Variants in MND1 observed in about 807,000 individuals in gnomAD.
MND1 encodes the protein meiotic nuclear divisions 1, also known as meiotic nuclear division protein 1 homolog.
Under a neutral mutation model 35.1 loss-of-function variants are expected in MND1, and 28 were observed. The ratio of observed to expected loss-of-function variants is 0.80; its 90% CI spans 0.59 to 1.09. The LOEUF (loss-of-function observed/expected upper bound fraction) is 1.09, where lower values mean the gene tolerates loss of function less well. Ranked by LOEUF, MND1 falls within the 50% of genes least tolerant of loss-of-function variation. The probability of loss-of-function intolerance (pLI) is 0.00; values close to 1 mark genes in which losing one functional copy is unlikely to be tolerated. For missense variants in MND1, 213 were observed against 239.6 expected (o/e 0.89, Z 0.73); for synonymous variants, 69 against 70.5 (o/e 0.98, Z 0.11).
intron 1 of MND1, among the ~76,000 whole-genome samples, chr4:153,348,409 C>T (rs1159848186): frequency 6.6e-6 from 1 of 152,052 alleles, no homozygotes; most frequent in Non-Finnish European, 1.5e-5. Flanking sequence ...CAGGAGCACA[C>T]CCAGGGGTGA....
At chr4:153,408,145 G>C (rs140151708) in intron 6 of MND1, among the ~76,000 whole-genome samples, 1 of 152,110 alleles carries the variant, frequency 6.6e-6, no homozygotes, top group Non-Finnish European at 1.5e-5. Context: ...TGGCGCATGC[G>C]TGTAGTCTCA....
rs185715333 is a variant in MND1 at position 153,392,332 on chromosome 4, C to T, written c.277-1930C>T. On this transcript the variant is annotated intron_variant, in intron 4 of 7. Coordinates refer to ENST00000240488, the MANE Select transcript of MND1 (RefSeq NM_032117.4). ...ATGTTAGCCAGGATGGTCTCGATCT[C>T]CTGACCTCGTGATCGGCCCGCCTCA... Among the ~76,000 whole-genome samples the T allele has an allele frequency of 5.5e-3, 838 of 152,218 alleles. 5 individuals carry two copies. Among genetic ancestry groups the T allele is most frequent in the African/African-American group, 0.019 (784 of 41,550 alleles).
chr4:153,386,732 A>AAAAAGAAAT (rs1728878573), intron 4 of MND1, among the ~76,000 whole-genome samples: 1 of 152,148 alleles, frequency 6.6e-6, no homozygotes, highest in Admixed American at 6.5e-5. Context: ...AACAACAACA[A>AAAAAGAAAT]AAAAGAAATC....
intron 4 of MND1, among the ~76,000 whole-genome samples, chr4:153,389,142 C>T (rs1728950764): frequency 6.6e-6 from 1 of 152,124 alleles, no homozygotes; most frequent in African/African-American, 2.4e-5. Flanking sequence ...GGAAAGCCAC[C>T]AAATGGGAAG....
chr4:153,396,372 C>T (rs545233501), intron 5 of MND1, among the ~76,000 whole-genome samples: 1 of 152,294 alleles, frequency 6.6e-6, no homozygotes, highest in Non-Finnish European at 1.5e-5. Context: ...GAACTCTCTT[C>T]ACTTTGGAAC....
At chr4:153,385,730 A>AAG (rs1728838403) in intron 4 of MND1, among the ~76,000 whole-genome samples, 2 of 150,762 alleles carry the variant, frequency 1.3e-5, no homozygotes, top group African/African-American at 2.5e-5. Flanking sequence ...AAAAAAAAAA[A>AAG]AAAAGAAAAG....
chr4:153,402,899 T>C (rs752396015), intron 6 of MND1, among the ~76,000 whole-genome samples: 1 of 152,162 alleles, frequency 6.6e-6, no homozygotes, highest in Non-Finnish European at 1.5e-5. Flanking sequence ...ATGCTTGTAA[T>C]CCTAACACTT....
intron 4 of MND1, among the ~76,000 whole-genome samples, chr4:153,389,049 C>T (rs1176406598): frequency 1.3e-5 from 2 of 152,158 alleles, no homozygotes; most frequent in Non-Finnish European, 2.9e-5. Flanking sequence ...CTAAAGGCAC[C>T]ACTCAGAGGT....
intron 4 of MND1, chr4:153,362,879 C>A (rs990545464): frequency 1.2e-5 from 5 of 424,346 alleles, no homozygotes; most frequent in South Asian, 9.9e-5. Context: ...ATATTAATTT[C>A]TTGGCTTACA....
chr4:153,367,142 G>T (rs980884080), intron 4 of MND1, among the ~76,000 whole-genome samples: 15 of 152,102 alleles, frequency 9.9e-5, no homozygotes, highest in Admixed American at 3.9e-4. Context: ...GCCTTGCTGA[G>T]ATATAGTTTA....
intron 1 of MND1, 122 bp downstream of exon 1, chr4:153,344,862 G>C: frequency 1.3e-6 from 2 of 1,483,020 alleles, no homozygotes; most frequent in Non-Finnish European, 9.0e-7. Context: ...GGGAGCGGTC[G>C]CCCGGCTCTC....
intron 4 of MND1, among the ~76,000 whole-genome samples, chr4:153,382,978 T>C (rs551019493): frequency 7.4e-4 from 113 of 152,298 alleles, no homozygotes; most frequent in African/African-American, 2.5e-3. Flanking sequence ...TCTTTCCCAA[T>C]GCTCTTGGAA....
intron 4 of MND1, among the ~76,000 whole-genome samples, chr4:153,368,383 GTCC>G (rs1773708343): frequency 1.3e-5 from 2 of 152,070 alleles, no homozygotes; most frequent in Admixed American, 6.6e-5. Flanking sequence ...AGTCAACATT[GTCC>G]TCCTCTTCTT....
chr4:153,375,902 C>G (rs889458233), intron 4 of MND1, among the ~76,000 whole-genome samples: 2 of 152,096 alleles, frequency 1.3e-5, no homozygotes, highest in Admixed American at 6.6e-5. Context: ...ACTAACATCT[C>G]TAGCTGTGAC....
chr4:153,348,340 T>C (rs187748427), intron 1 of MND1, among the ~76,000 whole-genome samples: 60 of 152,106 alleles, frequency 3.9e-4, no homozygotes, highest in African/African-American at 1.3e-3. Context: ...AAGAGTTCAG[T>C]TTAGACTGAC....
Position 153,397,306 on chromosome 4 carries a change from T to C in MND1, c.439T>C (p.Cys147Arg). Residue 147 changes from cysteine (C) to arginine (R), a missense_variant, in exon 6 of 8, where the codon TGT becomes CGT. Coordinates refer to ENST00000240488, the MANE Select transcript of MND1 (RefSeq NM_032117.4). ...GGCAGAAGTAGAAAAATACAAAGAC[T>C]GTGATCCGCAAGTTGTGGAAGAAAT... The part of the protein sequence containing the change: ...LKAEVEKYKD[C>R]DPQVVEEIRQ... The C allele has an allele frequency of 6.2e-7, 1 of 1,612,236 alleles. No homozygotes were observed. Among genetic ancestry groups the C allele is most frequent in the Non-Finnish European group, 8.5e-7 (1 of 1,178,998 alleles).
At chr4:153,352,049 A>C (rs1579892623) in intron 2 of MND1, among the ~76,000 whole-genome samples, 1 of 152,168 alleles carries the variant, frequency 6.6e-6, no homozygotes, top group Non-Finnish European at 1.5e-5. Flanking sequence ...TTAAAAACAC[A>C]GTCATTGGTA....
chr4:153,412,973 CT>C (rs1010472268), intron 7 of MND1, among the ~76,000 whole-genome samples: 3 of 151,916 alleles, frequency 2.0e-5, no homozygotes, highest in Admixed American at 6.6e-5. Context: ...TCCAGCTAAT[CT>C]TTTTGTATTG....
At chr4:153,374,664 G>T (rs1338701386) in intron 4 of MND1, among the ~76,000 whole-genome samples, 1 of 150,796 alleles carries the variant, frequency 6.6e-6, no homozygotes, top group Non-Finnish European at 1.5e-5. Flanking sequence ...TCACTCTTCT[G>T]CCAGTGATTC....
Sources: gnomAD v4.1 joint callset for allele counts (sites outside exome capture counted in the v4.1 genomes callset) on GRCh38, gnomAD v4.1.1 for gene constraint, MANE v1.5 for transcripts, NCBI Gene and HGNC (gene_info 2026-07-23, HGNC 2026-07-21) for gene names.